The following BTBD16 variants were observed in gnomAD, a reference collection of about 807,000 sequenced individuals.
BTBD16 encodes the protein BTB/POZ domain-containing protein 16.
Under a neutral mutation model 67.4 loss-of-function variants are expected in BTBD16, and 66 were observed. That is an observed-to-expected ratio of 0.98 (90% CI 0.80 to 1.20). BTBD16 has a LOEUF of 1.20. BTBD16 is among the 50% of genes most tolerant of loss of function. BTBD16 has a pLI of 0.00. For synonymous variants in BTBD16, 242 were observed against 236.4 expected (o/e 1.02, Z -0.22); for missense variants, 634 against 616.0 (o/e 1.03, Z -0.31).
intron 10 of BTBD16, 51 bp from the exon 11 acceptor site, chr10:122,329,429 C>T (rs772378926): frequency 6.3e-7 from 1 of 1,575,606 alleles, no homozygotes; most frequent in Admixed American, 1.7e-5. Context: ...GAGCTAATTC[C>T]AGAGAGGAGT....
At chr10:122,311,671 A>G (rs919827321) in intron 10 of BTBD16, among the ~76,000 whole-genome samples, 3 of 152,248 alleles carry the variant, frequency 2.0e-5, no homozygotes, top group Non-Finnish European at 4.4e-5. Flanking sequence ...CATAAAATAC[A>G]GAAAGGTGCA....
At chr10:122,289,830 C>A in intron 5 of BTBD16, 79 bp from the exon 6 acceptor site, 1 of 902,812 alleles carries the variant, frequency 1.1e-6, no homozygotes. Context: ...CATGGTCATG[C>A]CAGGGTGGTG....
chr10:122,318,407 G>GT (rs1418584506), intron 10 of BTBD16, among the ~76,000 whole-genome samples: 1 of 152,058 alleles, frequency 6.6e-6, no homozygotes, highest in Non-Finnish European at 1.5e-5. Context: ...CATTTGGGTT[G>GT]TTTTTAGTAA....
Position 122,331,158 on chromosome 10 carries a change from CTT to C in BTBD16, c.1004-16_1004-15del. The C allele has an allele frequency of 6.2e-7, 1 of 1,605,792 alleles. No homozygotes were observed. Among genetic ancestry groups the C allele is most frequent in the Non-Finnish European group, 8.5e-7 (1 of 1,177,726 alleles). On this transcript the variant is annotated splice_polypyrimidine_tract_variant and intron_variant, in intron 11 of 15. Transcript: ENST00000260723. The stretch of plus-strand genomic sequence containing the variant: ...TGTGAATAAAACTAAAAAACATTCT[CTT>C]TGCGTTTCTTCCCAGGCAAGGATCT...
At chr10:122,335,091 A>C in intron 14 of BTBD16, 112 bp downstream of exon 14, 1 of 607,496 alleles carries the variant, frequency 1.6e-6, no homozygotes, top group East Asian at 3.1e-5. Context: ...ATTGACATGA[A>C]ATGTATTGTA....
intron 11 of BTBD16, among the ~76,000 whole-genome samples, chr10:122,330,680 G>C (rs77539594): frequency 6.6e-6 from 1 of 152,040 alleles, no homozygotes; most frequent in African/African-American, 2.4e-5. Context: ...TGAATGTATT[G>C]GTTCCTTTGG....
intron 7 of BTBD16, chr10:122,291,410 G>A (rs1275433545): frequency 6.2e-6 from 3 of 485,414 alleles, no homozygotes; most frequent in East Asian, 3.6e-5. Flanking sequence ...TTAACCAAAC[G>A]ATTCTCGACT....
intron 10 of BTBD16, among the ~76,000 whole-genome samples, chr10:122,319,256 T>A (rs1182594780): frequency 6.6e-6 from 1 of 152,216 alleles, no homozygotes; most frequent in Non-Finnish European, 1.5e-5. Context: ...ACTTTTTTCT[T>A]CTTTTCAGTT....
Position 122,275,102 on chromosome 10 carries a change from G to A in BTBD16, c.18+3G>A, listed in dbSNP as rs1402432134. 6.2e-7 allele frequency: 1 copy of A among 1,613,576 alleles called. No homozygotes were observed. Among genetic ancestry groups the A allele is most frequent in the Non-Finnish European group, 8.5e-7 (1 of 1,179,710 alleles). On this transcript the variant is annotated splice_donor_region_variant and intron_variant, in intron 2 of 15. Coordinates refer to ENST00000260723, the MANE Select transcript of BTBD16 (RefSeq NM_144587.5). ...CATTCATGATAATGTCGAACACGGT[G>A]AGTAGATCAGTTTCTCAAGAAGGTA...
intron 10 of BTBD16, among the ~76,000 whole-genome samples, chr10:122,308,562 G>T (rs546696206): frequency 7.0e-4 from 106 of 152,288 alleles, no homozygotes; most frequent in South Asian, 5.8e-3. Context: ...AATGTAGAGT[G>T]GGGGTGGCTC....
intron 9 of BTBD16, among the ~76,000 whole-genome samples, chr10:122,303,089 C>T (rs1242567368): frequency 6.6e-6 from 1 of 152,062 alleles, no homozygotes; most frequent in Non-Finnish European, 1.5e-5. Context: ...AATTATAATA[C>T]AAAACACAAT....
chr10:122,276,855 C>T lies in BTBD16; in HGVS notation c.83C>T (p.Pro28Leu), dbSNP rs2096341664. 1 of 1,614,266 alleles carries T rather than the reference C, an allele frequency of 6.2e-7. No homozygotes were observed. The highest frequency in any genetic ancestry group is 8.5e-7 in the Non-Finnish European group (1 of 1,180,050). Residue 28 changes from proline to leucine, a missense_variant, in exon 3 of 16, where the codon CCT (proline) becomes CTT (leucine). Transcript: ENST00000260723. The part of the protein sequence containing the change: ...STNRWRLPKQ[P>L]FSGDLLSLSQ... Reference sequence around the variant, plus strand: ...AACCGGTGGCGTTTGCCCAAACAGCCTTTCTCTGGGGACCTGCTCTCACTT... The same window carrying T: ...AACCGGTGGCGTTTGCCCAAACAGCTTTTCTCTGGGGACCTGCTCTCACTT...
At chr10:122,303,749 A>G in intron 9 of BTBD16, 2 of 535,396 alleles carry the variant, frequency 3.7e-6, no homozygotes, top group South Asian at 1.7e-4. Flanking sequence ...AGTGCCAGTA[A>G]ACACACATGG....
At chr10:122,273,661 T>C (rs1377860345) in intron 1 of BTBD16, among the ~76,000 whole-genome samples, 1 of 152,062 alleles carries the variant, frequency 6.6e-6, no homozygotes. Context: ...AGTGGGAGGA[T>C]CACTTGAGCC....
intron 3 of BTBD16, among the ~76,000 whole-genome samples, chr10:122,279,511 A>AACACACACACACAC (rs143637448): frequency 0.08 from 11,536 of 143,808 alleles, 616 homozygotes; most frequent in East Asian, 0.14. Context: ...GAGAAAGAGA[A>AACACACACACACAC]ACACACACAC....
At chr10:122,329,901 G>C (rs533620714) in intron 11 of BTBD16, among the ~76,000 whole-genome samples, 1 of 152,120 alleles carries the variant, frequency 6.6e-6, no homozygotes, top group African/African-American at 2.4e-5. Flanking sequence ...TCACTTCTAG[G>C]CCCCTTGTTC....
chr10:122,324,309 T>A (rs958345907), intron 10 of BTBD16, among the ~76,000 whole-genome samples: 17 of 152,174 alleles, frequency 1.1e-4, no homozygotes, highest in Admixed American at 7.2e-4. Flanking sequence ...CCACATACTA[T>A]TCCCAAGGGA....
At chr10:122,307,393 C>T (rs140509324) in intron 10 of BTBD16, 85 bp downstream of exon 10, 1 of 1,357,328 alleles carries the variant, frequency 7.4e-7, no homozygotes, top group African/African-American at 1.5e-5. Flanking sequence ...GGAAAACCAT[C>T]AGTGATATAA....
Position 122,280,969 on chromosome 10 carries a change from AT to A in BTBD16, c.168-2876del, listed in dbSNP as rs540775798. On this transcript the variant is annotated intron_variant, in intron 3 of 15. Transcript: ENST00000260723. ...CACAGACATGGCCACCACATGCTGA[AT>A]TTTTTATTTAATGTTTTGTAGAGAT... Among the ~76,000 whole-genome samples the A allele has an allele frequency of 3.7e-3, 562 of 152,104 alleles. 3 individuals carry two copies. Among genetic ancestry groups the A allele is most frequent in the African/African-American group, 0.013 (530 of 41,484 alleles).
Sources: gnomAD v4.1 joint callset for allele counts (sites outside exome capture counted in the v4.1 genomes callset) on GRCh38, gnomAD v4.1.1 for gene constraint, MANE v1.5 for transcripts, NCBI Gene and HGNC (gene_info 2026-07-23, HGNC 2026-07-21) for gene names.